XPO4: variants seen among roughly 807,000 people sequenced by gnomAD.
XPO4 encodes exportin-4.
Under a neutral mutation model 143.0 loss-of-function variants are expected in XPO4, and 39 were observed. The ratio of observed to expected loss-of-function variants is 0.27; its 90% CI spans 0.21 to 0.36. XPO4 has a LOEUF of 0.36. Among genes scored for constraint, XPO4 ranks in the 10% least tolerant of loss-of-function variants. XPO4 has a pLI of 1.00. For synonymous variants in XPO4, 439 were observed against 474.0 expected (o/e 0.93, Z 0.96); for missense variants, 907 against 1,348.0 (o/e 0.67, Z 5.12).
chr13:20,878,471 A>G (rs1027026464), intron 1 of XPO4, among the ~76,000 whole-genome samples: 38 of 152,360 alleles, frequency 2.5e-4, no homozygotes, highest in African/African-American at 8.4e-4. Context: ...ATTGCAGTAT[A>G]GTCATACATT....
At position 20,809,069 on chromosome 13, in the gene XPO4, T is replaced by C; in HGVS notation, c.1493+14A>G. 1.2e-6 allele frequency: 2 copies of C among 1,609,010 alleles called. No homozygotes were observed. The highest frequency in any genetic ancestry group is 1.7e-6 in the Non-Finnish European group (2 of 1,178,018). ...GAATATTTGCTCCATGGGGTTTCTT[T>C]GGACTGTGTGTACCTTGTCAGAAGA... On this transcript the variant is annotated intron_variant, in intron 11 of 22. Transcript: ENST00000255305.
intron 3 of XPO4, among the ~76,000 whole-genome samples, chr13:20,857,541 C>T (rs1283105040): frequency 6.6e-6 from 1 of 151,762 alleles, no homozygotes; most frequent in African/African-American, 2.4e-5. Context: ...TCCTGGCTAA[C>T]ACGGTGAAAC....
At chr13:20,809,662 C>A in intron 10 of XPO4, 129 bp downstream of exon 10, 1 of 1,039,316 alleles carries the variant, frequency 9.6e-7, no homozygotes, top group Non-Finnish European at 1.3e-6. Context: ...GAGAACAAGG[C>A]CACTTTTGCT....
At chr13:20,842,546 T>C (rs147898286) in intron 6 of XPO4, among the ~76,000 whole-genome samples, 1 of 152,306 alleles carries the variant, frequency 6.6e-6, no homozygotes, top group African/African-American at 2.4e-5. Flanking sequence ...ACATAATTAC[T>C]TGTCCAAGGA....
At chr13:20,785,170 C>T (rs781029808) in intron 22 of XPO4, among the ~76,000 whole-genome samples, 4 of 152,086 alleles carry the variant, frequency 2.6e-5, no homozygotes, top group Non-Finnish European at 5.9e-5. Flanking sequence ...ACCTGGCATG[C>T]TGTAATTTTT....
chr13:20,855,379 C>T (rs958302513), intron 4 of XPO4, among the ~76,000 whole-genome samples: 13 of 150,790 alleles, frequency 8.6e-5, no homozygotes, highest in African/African-American at 3.2e-4. Flanking sequence ...TGCTTGAACC[C>T]GGAAGGCAGA....
intron 13 of XPO4, among the ~76,000 whole-genome samples, chr13:20,802,282 T>C (rs1245941804): frequency 6.6e-6 from 1 of 152,178 alleles, no homozygotes; most frequent in East Asian, 1.9e-4. Context: ...GGTCTTGAAC[T>C]CCTGAGCTCA....
chr13:20,807,735 T>G (rs2059525821), intron 12 of XPO4, 101 bp from the exon 13 acceptor site: 1 of 896,030 alleles, frequency 1.1e-6, no homozygotes, highest in Non-Finnish European at 1.5e-6. Context: ...TCATATAAAT[T>G]GATGTAAATT....
intron 1 of XPO4, among the ~76,000 whole-genome samples, chr13:20,877,578 T>G (rs1393613453): frequency 6.6e-6 from 1 of 152,022 alleles, no homozygotes; most frequent in Non-Finnish European, 1.5e-5. Flanking sequence ...ACAGAAGAAT[T>G]GTAAGCCCCT....
chr13:20,866,038 AAGTT>A (rs2060242137), intron 2 of XPO4: 1 of 985,250 alleles, frequency 1.0e-6, no homozygotes, highest in African/African-American at 1.7e-5. Context: ...GAATGCCACA[AAGTT>A]AGCTCCAGAA....
At chr13:20,807,716 T>C in intron 12 of XPO4, 82 bp from the exon 13 acceptor site, 10 of 1,076,876 alleles carry the variant, frequency 9.3e-6, no homozygotes, top group Non-Finnish European at 1.3e-5. Context: ...TCAGTTTGAT[T>C]TATATACATC....
intron 1 of XPO4, among the ~76,000 whole-genome samples, chr13:20,869,315 C>T (rs1474426944): frequency 6.6e-6 from 1 of 152,112 alleles, no homozygotes; most frequent in Non-Finnish European, 1.5e-5. Context: ...TAAAGTCTGA[C>T]CAAGTTTTTA....
chr13:20,788,248 G>C (rs1367013179), intron 20 of XPO4, among the ~76,000 whole-genome samples: 1 of 151,962 alleles, frequency 6.6e-6, no homozygotes, highest in Non-Finnish European at 1.5e-5. Flanking sequence ...TTAGAGACAG[G>C]GTTTCACTGT....
At chr13:20,902,082 C>T (rs2138199079) in intron 1 of XPO4, 1 of 985,368 alleles carries the variant, frequency 1.0e-6, no homozygotes, top group Non-Finnish European at 1.2e-6. Flanking sequence ...AGCACTAGAC[C>T]AAGTTTTGCC....
chr13:20,804,863 A>AC (rs1159318230), intron 13 of XPO4, among the ~76,000 whole-genome samples: 1 of 152,084 alleles, frequency 6.6e-6, no homozygotes. Context: ...GGTCTGAGCC[A>AC]CCATCATCTT....
intron 6 of XPO4, among the ~76,000 whole-genome samples, chr13:20,833,296 G>A (rs11842994): frequency 2.6e-5 from 4 of 152,090 alleles, no homozygotes; most frequent in South Asian, 2.1e-4. Flanking sequence ...ACGGAGCTTC[G>A]CGCAGTAGGT....
intron 9 of XPO4, among the ~76,000 whole-genome samples, chr13:20,812,232 A>G (rs529106295): frequency 3.5e-4 from 53 of 152,116 alleles, no homozygotes; most frequent in Non-Finnish European, 6.8e-4. Context: ...TTAGCTGGGC[A>G]TGGTGGCAGG....
At chr13:20,863,583 T>G (rs1179627983) in intron 2 of XPO4, among the ~76,000 whole-genome samples, 1 of 152,184 alleles carries the variant, frequency 6.6e-6, no homozygotes, top group Non-Finnish European at 1.5e-5. Flanking sequence ...TAAAAATGTT[T>G]TATATTAATT....
At chr13:20,884,979 T>C (rs888496752) in intron 1 of XPO4, among the ~76,000 whole-genome samples, 14 of 152,286 alleles carry the variant, frequency 9.2e-5, no homozygotes, top group Admixed American at 9.2e-4. Flanking sequence ...TGTTTGTTTT[T>C]TGAGACGGAG....
Sources: allele counts gnomAD v4.1 joint callset (sites outside exome capture counted in the v4.1 genomes callset), GRCh38; gene constraint gnomAD v4.1.1; transcripts MANE v1.5; gene names NCBI Gene and HGNC (gene_info 2026-07-23, HGNC 2026-07-21).